DMD: variants seen among roughly 807,000 people sequenced by gnomAD.
The protein encoded by DMD is dystrophin, also known as mutant dystrophin.
DMD carries 63 observed loss-of-function variants against 330.1 expected under a neutral mutation model. That is an observed-to-expected ratio of 0.19 (90% CI 0.16 to 0.24). The LOEUF is 0.24. DMD is among the 10% of genes least tolerant of loss of function. DMD has a pLI of 1.00. For synonymous variants in DMD, 1,223 were observed against 959.8 expected, an observed-to-expected ratio of 1.27 and a Z score of -5.07; for missense variants, 3,344 against 2,684.1, an observed-to-expected ratio of 1.25 and a Z score of -5.43.
intron 44 of DMD, among the ~76,000 whole-genome samples, chrX:32,088,809 A>G (rs1414231331): frequency 9.0e-6 from 1 of 110,695 alleles, no homozygotes; most frequent in African/African-American, 3.3e-5. Flanking sequence ...CTTTTACTAC[A>G]GAGAATGACA....
chrX:31,381,492 G>A (rs933919250), intron 60 of DMD, among the ~76,000 whole-genome samples: 3 of 111,083 alleles, frequency 2.7e-5, no homozygotes, highest in South Asian at 3.9e-4. Flanking sequence ...TCTGCTCCCC[G>A]GCTCCTTCAG....
At chrX:32,089,452 C>T (rs1310065679) in intron 44 of DMD, among the ~76,000 whole-genome samples, 1 of 111,202 alleles carries the variant, frequency 9.0e-6, no homozygotes, top group African/African-American at 3.3e-5. Flanking sequence ...TTCCACCCTC[C>T]AGTAGGCCCC....
chrX:32,382,405 AATCT>A (rs2097930300), intron 33 of DMD, among the ~76,000 whole-genome samples: 1 of 111,300 alleles, frequency 9.0e-6, no homozygotes, highest in Admixed American at 9.6e-5. Context: ...CCAAAATAAG[AATCT>A]ATCTATAAGC....
intron 1 of DMD, among the ~76,000 whole-genome samples, chrX:33,020,521 A>G (rs2093893838): frequency 9.0e-6 from 1 of 111,481 alleles, no homozygotes; most frequent in Admixed American, 9.6e-5. Context: ...TGAAAATACA[A>G]AAATTAGCCA....
intron 47 of DMD, 81 bp downstream of exon 47, chrX:31,929,515 A>T: frequency 3.6e-6 from 4 of 1,126,691 alleles, no homozygotes; most frequent in Non-Finnish European, 4.8e-6. Context: ...TCCCCGACCA[A>T]TGAAGCACCC....
intron 1 of DMD, among the ~76,000 whole-genome samples, chrX:33,127,275 A>G (rs1022661662): frequency 1.8e-5 from 2 of 111,576 alleles, no homozygotes; most frequent in Non-Finnish European, 3.8e-5. Context: ...AGAAATTAAT[A>G]TACTTCAAAT....
intron 1 of DMD, among the ~76,000 whole-genome samples, chrX:33,185,358 G>A (rs774242404): frequency 9.0e-6 from 1 of 111,108 alleles, no homozygotes; most frequent in East Asian, 2.8e-4. Flanking sequence ...ATGGCCTTGA[G>A]AAAGTTACTT....
intron 1 of DMD, among the ~76,000 whole-genome samples, chrX:33,219,584 A>G (rs1297536693): frequency 3.6e-5 from 4 of 110,496 alleles, no homozygotes; most frequent in African/African-American, 1.3e-4. Flanking sequence ...TATAGAGTCA[A>G]GAAAGAAAAC....
chrX:32,594,807 ATC>A (rs1056733578), intron 13 of DMD, among the ~76,000 whole-genome samples: 1 of 112,095 alleles, frequency 8.9e-6, no homozygotes, highest in Non-Finnish European at 1.9e-5. Flanking sequence ...CCTAAGAATC[ATC>A]TCTGTTTCAA....
intron 11 of DMD, among the ~76,000 whole-genome samples, chrX:32,615,344 T>C: frequency 9.0e-6 from 1 of 111,297 alleles, no homozygotes; most frequent in African/African-American, 3.3e-5. Flanking sequence ...AGCGGTAAGC[T>C]CTACAACCAG....
chrX:32,736,272 G>C lies in DMD; in HGVS notation c.650-36979C>G, dbSNP rs1019775505. 4.5e-5 allele frequency among the ~76,000 whole-genome samples: 5 copies of C among 111,439 alleles called. No homozygotes were observed. In the Admixed American group the frequency reaches 4.7e-4, roughly 11 times the overall value. On this transcript the variant is annotated intron_variant, in intron 7 of 78. Coordinates refer to ENST00000357033, the MANE Select transcript of DMD (RefSeq NM_004006.3). ...ATTAAAAAGTCAGGAAACAACAGGT[G>C]CTGGAGAGGATGTGGAGAAATAGGA...
At chrX:32,579,155 AC>A (rs763789751) in intron 13 of DMD, among the ~76,000 whole-genome samples, 3 of 111,720 alleles carry the variant, frequency 2.7e-5, no homozygotes, top group Non-Finnish European at 5.6e-5. Flanking sequence ...ATTTCTACAA[AC>A]TGAACTGAAG....
intron 48 of DMD, among the ~76,000 whole-genome samples, chrX:31,860,561 T>C (rs1045278848): frequency 4.5e-5 from 5 of 112,262 alleles, no homozygotes; most frequent in Non-Finnish European, 9.4e-5. Flanking sequence ...CTCAGTATGC[T>C]AATACAACTG....
chrX:32,221,139 C>T (rs920776650), intron 43 of DMD, among the ~76,000 whole-genome samples: 2 of 110,958 alleles, frequency 1.8e-5, no homozygotes, highest in East Asian at 2.8e-4. Context: ...TTAACACTTT[C>T]GGGCCATTAA....
At chrX:33,108,554 C>A (rs2095311441) in intron 1 of DMD, among the ~76,000 whole-genome samples, 3 of 108,051 alleles carry the variant, frequency 2.8e-5, no homozygotes, top group African/African-American at 6.7e-5. Context: ...GCATGATCCA[C>A]CGTGCTGGGC....
At chrX:32,888,920 A>ATT (rs776059565) in intron 2 of DMD, among the ~76,000 whole-genome samples, 1,377 of 106,897 alleles carry the variant, frequency 0.013, 20 homozygotes, top group African/African-American at 0.044. Context: ...GAAAATTATA[A>ATT]TTTTTTTTTT....
chrX:31,388,196 A>G (rs192088929), intron 60 of DMD, among the ~76,000 whole-genome samples: 221 of 107,342 alleles, frequency 2.1e-3, no homozygotes, highest in African/African-American at 7.0e-3. Context: ...GTAGAGACGG[A>G]GTTTCACCAT....
rs183243404 is a variant in DMD at position 33,173,526 on chromosome X, C to T, written c.31+37756G>A. ...AACATTTCAGTTTAAAGTGTCTTCT[C>T]AGTGGCAGATTCAGTGTATTCATTA... On this transcript the variant is annotated intron_variant, in intron 1 of 78. Transcript: ENST00000357033. Among the ~76,000 whole-genome samples, 265 of 111,103 alleles carry T rather than the reference C, an allele frequency of 2.4e-3. 1 individual carries two copies. The highest frequency in any genetic ancestry group is 7.8e-3 in the African/African-American group (240 of 30,672).
intron 37 of DMD, among the ~76,000 whole-genome samples, chrX:32,352,274 C>T (rs1460834875): frequency 1.8e-5 from 2 of 110,433 alleles, no homozygotes; most frequent in Non-Finnish European, 3.8e-5. Context: ...ACAGTAAGTT[C>T]TTGTCTCTAA....
Sources: allele counts gnomAD v4.1 joint callset (sites outside exome capture counted in the v4.1 genomes callset), GRCh38; gene constraint gnomAD v4.1.1; transcripts MANE v1.5; gene names NCBI Gene and HGNC (gene_info 2026-07-23, HGNC 2026-07-21).